Variants in KNOP1 observed in about 807,000 individuals in gnomAD.
KNOP1 encodes the protein lysine-rich nucleolar protein 1.
KNOP1 carries 20 observed loss-of-function variants against 30.6 expected under a neutral mutation model. That is an observed-to-expected ratio of 0.65 (90% CI 0.46 to 0.95). The LOEUF is 0.95. Among genes scored for constraint, KNOP1 ranks in the 40% least tolerant of loss-of-function variants. KNOP1 has a pLI of 0.00. For missense variants in KNOP1, 540 were observed against 562.0 expected (o/e 0.96, Z 0.40); for synonymous variants, 204 against 210.0 (o/e 0.97, Z 0.25).
In KNOP1 at chr16:19,710,490, G is replaced by A. The variant is rs764421190; in HGVS notation, c.1065+19C>T. The A allele has an allele frequency of 5.4e-5, 87 of 1,612,886 alleles. No individual in the cohort carries two copies. The highest frequency in any genetic ancestry group is 7.1e-5 in the Non-Finnish European group (84 of 1,179,684). On this transcript the variant is annotated intron_variant, in intron 4 of 4. Transcript: ENST00000219837. The stretch of plus-strand genomic sequence containing the variant: ...GCCGAGCGTGCCACCTCCTCGCAGA[G>A]CCCTAGCCCCAAACTTACCGTCCAC...
At position 19,714,332 on chromosome 16, in the gene KNOP1, A is replaced by G. The variant is rs1299423165; in HGVS notation, c.704T>C (p.Met235Thr). The G allele has an allele frequency of 6.2e-7, 1 of 1,613,614 alleles. No homozygotes were observed. The highest frequency in any genetic ancestry group is 1.7e-4 in the Middle Eastern group (1 of 6,054). Residue 235 changes from methionine to threonine, a missense_variant, in exon 2 of 5, where the codon ATG becomes ACG. By Grantham distance (81) the Met-to-Thr change is moderately conservative. Coordinates refer to ENST00000219837, the MANE Select transcript of KNOP1 (RefSeq NM_001012991.3). ...LPGHSKPSRSMESSPRKGSKK... is the reference protein window; with the variant it reads ...LPGHSKPSRSTESSPRKGSKK... ...ACTTCCTTTCCTAGGGCTGCTCTCC[A>G]TGGACCTGGAGGGCTTGGAGTGGCC...
Position 19,714,252 on chromosome 16 carries a change from G to C in KNOP1, c.784C>G (p.Pro262Ala). The change falls in exon 2 of 5, where the codon CCT becomes GCT. Residue 262 changes from proline (P) to alanine (A), a missense_variant. Physicochemically the swap from Pro to Ala is conservative, Grantham distance 27. Coordinates refer to ENST00000219837, the MANE Select transcript of KNOP1 (RefSeq NM_001012991.3). Reference sequence around the variant, plus strand: ...ATCTTTTTCTTTGCGGAGGCCTTAGGGTCATCACTTATGGGGATGTATTCC... The same window carrying C: ...ATCTTTTTCTTTGCGGAGGCCTTAGCGTCATCACTTATGGGGATGTATTCC... ...APEYIPISDDPKASAKKKMKS... is the reference protein window; with the variant it reads ...APEYIPISDDAKASAKKKMKS... 1 of 1,614,028 alleles carries C rather than the reference G, an allele frequency of 6.2e-7. No individual in the cohort carries two copies. The highest frequency in any genetic ancestry group is 1.3e-5 in the African/African-American group (1 of 74,992).
At position 19,704,588 on chromosome 16, in the gene KNOP1, C is replaced by CA. The variant is rs919276175; in HGVS notation, c.*2321dup. 23 of 149,518 alleles carry CA rather than the reference C, an allele frequency of 1.5e-4. No homozygotes were observed. Among genetic ancestry groups the CA allele is most frequent in the Non-Finnish European group, 2.8e-4 (19 of 67,530 alleles). The allele number at this position is 149,518 out of a possible 1,614,324, so 9.3% of individuals were successfully genotyped here. The stretch of plus-strand genomic sequence containing the variant: ...CCTGCGCGACCGTGAGACTCCATCT[C>CA]AAAAAAAAAGAAACGAACGGCTGGT... On this transcript the variant is annotated 3_prime_UTR_variant, in exon 5 of 5. Coordinates refer to ENST00000219837, the MANE Select transcript of KNOP1 (RefSeq NM_001012991.3).
At chr16:19,712,991 A>G (rs4782269) in intron 2 of KNOP1, among the ~76,000 whole-genome samples, 52,133 of 151,084 alleles carry the variant, frequency 0.35, 13,965 homozygotes, top group African/African-American at 0.75. Flanking sequence ...GCCATCATCC[A>G]CTCCTTCCCT....
intron 4 of KNOP1, among the ~76,000 whole-genome samples, chr16:19,709,110 A>G (rs1357605529): frequency 2.0e-5 from 3 of 152,040 alleles, no homozygotes; most frequent in African/African-American, 7.3e-5. Flanking sequence ...TGGCATGGAG[A>G]GAAAGGGCAC....
chr16:19,711,504 C>G lies in KNOP1; in HGVS notation c.919-64G>C, dbSNP rs543566225. ...CAATGAATGGCCTCTGCCTCTGCACCCAGCCAGGGTGAGACCATGACAAAG... is the reference window on the plus strand; with the variant it reads ...CAATGAATGGCCTCTGCCTCTGCACGCAGCCAGGGTGAGACCATGACAAAG... On this transcript the variant is annotated intron_variant, in intron 2 of 4. Coordinates refer to ENST00000219837, the MANE Select transcript of KNOP1 (RefSeq NM_001012991.3). The G allele has an allele frequency of 8.4e-4, 1,274 of 1,509,122 alleles. 2 individuals are homozygous for G. Among genetic ancestry groups the G allele is most frequent in the Non-Finnish European group, 1.1e-3 (1,219 of 1,084,904 alleles). The allele number at this position is 1,509,122 out of a possible 1,614,324, so 93.5% of individuals were successfully genotyped here.
In KNOP1 at chr16:19,714,300, T is replaced by C; in HGVS notation, c.736A>G (p.Lys246Glu). The change falls in exon 2 of 5, where the codon AAG becomes GAG. Residue 246 changes from lysine (K) to glutamate (E), a missense_variant. By Grantham distance (56) the Lys-to-Glu change is moderately conservative (BLOSUM62 1). Coordinates refer to ENST00000219837, the MANE Select transcript of KNOP1 (RefSeq NM_001012991.3). ...ESSPRKGSKK[K>E]PVKVEAPEYI... ...TCCGGAGCCTCAACTTTGACTGGCT[T>C]CTTTTTACTTCCTTTCCTAGGGCTG... The C allele has an allele frequency of 6.2e-7, 1 of 1,614,130 alleles. No individual in the cohort carries two copies. Among genetic ancestry groups the C allele is most frequent in the Non-Finnish European group, 8.5e-7 (1 of 1,180,002 alleles).
Position 19,706,371 on chromosome 16 carries a change from A to C in KNOP1, c.*539T>G, listed in dbSNP as rs1597457169. On this transcript the variant is annotated 3_prime_UTR_variant, in exon 5 of 5. Coordinates refer to ENST00000219837, the MANE Select transcript of KNOP1 (RefSeq NM_001012991.3). ...CTGCACTTAGTGGCTGGGTGACCCC[A>C]GGCAATTTTATTACTTTATCCCTGA... 6.5e-6 allele frequency: 1 copy of C among 153,304 alleles called. No homozygotes were observed. The highest frequency in any genetic ancestry group is 1.5e-5 in the Non-Finnish European group (1 of 68,594). 9.5% of individuals were successfully genotyped at this position (153,304 alleles called of 1,614,324 possible). A position where few individuals can be genotyped will look rare whatever the true frequency, so the allele number is the denominator to read the frequency against.
At chr16:19,713,814 T>A (rs1234451700) in intron 2 of KNOP1, among the ~76,000 whole-genome samples, 2 of 152,174 alleles carry the variant, frequency 1.3e-5, no homozygotes, top group Non-Finnish European at 2.9e-5. Flanking sequence ...TGATCCCAGT[T>A]AATTCAGACC....
rs1976402408 is a variant in KNOP1 at position 19,707,040 on chromosome 16, A to G, written c.1247T>C (p.Leu416Pro). 1.9e-6 allele frequency: 3 copies of G among 1,614,072 alleles called. No homozygotes were observed. The highest frequency in any genetic ancestry group is 2.7e-5 in the African/African-American group (2 of 74,962). The part of the protein sequence containing the change: ...KKAADSLQQN[L>P]QRDYDRAMSW... ...CATGGCCCGGTCGTAGTCCCGCTGC[A>G]GATTCTGCTGCAGGCTGTCAGCCGC... Residue 416 changes from leucine (L) to proline (P), a missense_variant, in exon 5 of 5, where the codon CTG becomes CCG. Leu to Pro is a moderately conservative substitution (Grantham distance 98). Coordinates refer to ENST00000219837, the MANE Select transcript of KNOP1 (RefSeq NM_001012991.3).
Position 19,704,194 on chromosome 16 carries a change from C to G in KNOP1, c.*2716G>C, listed in dbSNP as rs1395822396. The G allele has an allele frequency of 6.6e-6, 1 of 152,182 alleles. No homozygotes were observed. The highest frequency in any genetic ancestry group is 1.5e-5 in the Non-Finnish European group (1 of 68,124). 9.4% of individuals were successfully genotyped at this position (152,182 alleles called of 1,614,324 possible). ...CCACCTCCCGGGTTCAAGCGATTCT[C>G]CTGTCAGCCTCCTGAGTAGCCGGGA... On this transcript the variant is annotated 3_prime_UTR_variant, in exon 5 of 5. Coordinates refer to ENST00000219837, the MANE Select transcript of KNOP1 (RefSeq NM_001012991.3).
intron 4 of KNOP1, 51 bp downstream of exon 4, chr16:19,710,458 T>C: frequency 6.3e-7 from 1 of 1,579,196 alleles, no homozygotes; most frequent in African/African-American, 1.3e-5. Flanking sequence ...AGGGGAAGCG[T>C]CGGGAGGCCG....
rs1459646868 is a variant in KNOP1, at chr16:19,718,187, G to A, written c.-32C>T. The A allele has an allele frequency of 1.3e-5, 20 of 1,496,234 alleles. No individual in the cohort carries two copies. In the South Asian group the frequency reaches 2.1e-4, roughly 16 times the overall value. The allele number at this position is 1,496,234 out of a possible 1,614,324, so 92.7% of individuals were successfully genotyped here. A position where few individuals can be genotyped will look rare whatever the true frequency, so the allele number is the denominator to read the frequency against. ...GGGCGAAATTTCCCCGCCTCCACGT[G>A]AGAGCCAGCTCCGCCGTGACCCGGA... On this transcript the variant is annotated 5_prime_UTR_variant, in exon 1 of 5. Transcript: ENST00000219837.
chr16:19,714,624 C>A lies in KNOP1; in HGVS notation c.412G>T (p.Gly138Cys), dbSNP rs773373442. The A allele has an allele frequency of 1.5e-5, 25 of 1,613,982 alleles. No homozygotes were observed. The highest frequency in any genetic ancestry group is 2.0e-5 in the Non-Finnish European group (24 of 1,180,018). ...GVKTSPDPRQ[G>C]EEETRVGKKL... ...TTGCCAACTCTGGTTTCCTCCTCAC[C>A]CTGTCTAGGGTCTGGGGAGGTTTTC... The change falls in exon 2 of 5, where the codon GGT (glycine) becomes TGT (cysteine). Residue 138 changes from glycine (G) to cysteine (C), a missense_variant. Physicochemically the swap from Gly to Cys is radical, Grantham distance 159. Transcript: ENST00000219837.
At chr16:19,716,118 C>T (rs1026931791) in intron 1 of KNOP1, among the ~76,000 whole-genome samples, 1 of 152,192 alleles carries the variant, frequency 6.6e-6, no homozygotes, top group Admixed American at 6.5e-5. Flanking sequence ...TCATAACCCA[C>T]TCCAGGCGCA....
rs1420249776 is a variant in KNOP1 at position 19,714,715 on chromosome 16, C to T, written c.321G>A (p.Leu107=). 1.9e-6 allele frequency: 3 copies of T among 1,614,202 alleles called. No homozygotes were observed. The highest frequency in any genetic ancestry group is 2.5e-6 in the Non-Finnish European group (3 of 1,180,046). ...TTTTCTTTTCCCCACTGAGGAACTC[C>T]AAGTGGCCAAACACCTGCTTCCTGA... ...PSLRKQVFGH[L]EFLSGEKKNK... The change falls in exon 2 of 5, where the codon TTG becomes TTA. Residue 107 remains leucine, a synonymous_variant. Transcript: ENST00000219837.
At chr16:19,715,503 C>T (rs1976999602) in intron 1 of KNOP1, 1 of 149,958 alleles carries the variant, frequency 6.7e-6, no homozygotes, top group Non-Finnish European at 1.5e-5. Context: ...CAACCTCCGT[C>T]TCCTGGGTTC....
At chr16:19,709,136 A>G (rs1976574880) in intron 4 of KNOP1, among the ~76,000 whole-genome samples, 1 of 152,174 alleles carries the variant, frequency 6.6e-6, no homozygotes, top group East Asian at 1.9e-4. Flanking sequence ...GGCAGGACCC[A>G]TAACAAAGCC....
In KNOP1 at chr16:19,707,140, A is replaced by G. The variant is rs371652855; in HGVS notation, c.1147T>C (p.Phe383Leu). Residue 383 changes from phenylalanine (F) to leucine (L), a missense_variant, in exon 5 of 5, where the codon TTC (phenylalanine) becomes CTC (leucine). Transcript: ENST00000219837. ...CTGAACGAAGGGGACAGGTTTTTGA[A>G]GCCACCCATAAGTCTGAGAAATTTC... ...KLKFLRLMGGFKNLSPSFSRP... is the reference protein window; with the variant it reads ...KLKFLRLMGGLKNLSPSFSRP... 52 of 1,614,098 alleles carry G rather than the reference A, an allele frequency of 3.2e-5. 1 individual carries two copies. The Middle Eastern group carries it at 8.3e-4, about 26-fold the overall frequency.
Sources: gnomAD v4.1 joint callset for allele counts (sites outside exome capture counted in the v4.1 genomes callset) on GRCh38, gnomAD v4.1.1 for gene constraint, MANE v1.5 for transcripts, NCBI Gene and HGNC (gene_info 2026-07-23, HGNC 2026-07-21) for gene names.